The following PRKN variants were observed in gnomAD, a reference collection of about 807,000 sequenced individuals.
PRKN encodes E3 ubiquitin-protein ligase parkin.
A neutral mutation model predicts 59.5 loss-of-function variants in PRKN; 56 were observed. The ratio of observed to expected loss-of-function variants is 0.94; its 90% CI spans 0.76 to 1.18. The LOEUF (loss-of-function observed/expected upper bound fraction) is 1.18, where lower values mean the gene tolerates loss of function less well. Among genes scored for constraint, PRKN ranks in the 50% most tolerant of loss-of-function variants. PRKN has a pLI of 0.00. For synonymous variants in PRKN, 250 were observed against 222.1 expected (o/e 1.13, Z -1.12); for missense variants, 657 against 596.4 (o/e 1.10, Z -1.06).
intron 2 of PRKN, among the ~76,000 whole-genome samples, chr6:162,274,245 A>T (rs1476049545): frequency 6.6e-6 from 1 of 151,966 alleles, no homozygotes; most frequent in Non-Finnish European, 1.5e-5. Flanking sequence ...GCTGGAGTGC[A>T]GGCATGATCA....
rs184619644 is a variant in PRKN at position 162,011,481 on chromosome 6, T to G, written c.619-38064A>C. Among the ~76,000 whole-genome samples, 29 of 16,048 alleles carry G rather than the reference T, an allele frequency of 1.8e-3. 7 individuals carry two copies. The highest frequency in any genetic ancestry group is 6.8e-3 in the Admixed American group (4 of 592). 10.5% of individuals were successfully genotyped at this position (16,048 alleles called of 152,430 possible). Reference sequence around the variant, plus strand: ...TATATATATTATAATATATAATATATTATAATATATATAATATATATTTAT... The same window carrying G: ...TATATATATTATAATATATAATATAGTATAATATATATAATATATATTTAT... On this transcript the variant is annotated intron_variant, in intron 5 of 11. Coordinates refer to ENST00000366898, the MANE Select transcript of PRKN (RefSeq NM_004562.3).
intron 4 of PRKN, among the ~76,000 whole-genome samples, chr6:162,079,641 G>A (rs1778978710): frequency 1.3e-5 from 2 of 151,856 alleles, no homozygotes; most frequent in Non-Finnish European, 2.9e-5. Flanking sequence ...CACAGCTCAG[G>A]GAGTCTTTTC....
chr6:162,560,373 CT>C (rs1204176529), intron 1 of PRKN, among the ~76,000 whole-genome samples: 1 of 152,168 alleles, frequency 6.6e-6, no homozygotes, highest in African/African-American at 2.4e-5. Flanking sequence ...AAGTTTATAA[CT>C]GTCAACACAT....
chr6:161,402,050 C>G lies in PRKN; in HGVS notation c.1084-15173G>C, dbSNP rs1049694356. Among the ~76,000 whole-genome samples the G allele has an allele frequency of 3.3e-5, 5 of 152,142 alleles. No individual in the cohort carries two copies. Among genetic ancestry groups the G allele is most frequent in the Non-Finnish European group, 7.3e-5 (5 of 68,034 alleles). Reference sequence around the variant, plus strand: ...CGATATGCATCTCTGCCATGACTATCAGACAATGGTGAGAGCCAGAACCAC... The same window carrying G: ...CGATATGCATCTCTGCCATGACTATGAGACAATGGTGAGAGCCAGAACCAC... On this transcript the variant is annotated intron_variant, in intron 9 of 11. Transcript: ENST00000366898. This position sits in a 1 kb window ranked among gnomAD's most constrained non-coding sequence, Gnocchi z 4.5.
At chr6:162,712,574 C>A (rs1778576431) in intron 1 of PRKN, among the ~76,000 whole-genome samples, 1 of 152,190 alleles carries the variant, frequency 6.6e-6, no homozygotes, top group Non-Finnish European at 1.5e-5. Flanking sequence ...CCCTTAATCT[C>A]TGACCCATGT....
intron 10 of PRKN, among the ~76,000 whole-genome samples, chr6:161,375,072 G>A (rs866850607): frequency 3.6e-4 from 55 of 151,696 alleles, no homozygotes; most frequent in African/African-American, 1.3e-3. Flanking sequence ...CCCTACAGGT[G>A]AGTGAGCTCA....
intron 4 of PRKN, among the ~76,000 whole-genome samples, chr6:162,097,879 T>C (rs1158006141): frequency 6.6e-6 from 1 of 152,216 alleles, no homozygotes; most frequent in Non-Finnish European, 1.5e-5. Flanking sequence ...AATGGTACTC[T>C]AATGCTGGTG....
At chr6:161,810,112 G>C (rs996886996) in intron 6 of PRKN, among the ~76,000 whole-genome samples, 54 of 152,142 alleles carry the variant, frequency 3.5e-4, no homozygotes, top group Non-Finnish European at 4.4e-4. Context: ...CCTTCAAAGA[G>C]TTAATTAAGG....
rs114350933 is a variant in PRKN at position 162,719,502 on chromosome 6, T to C, written c.7+8160A>G. ...GCAAACCTAACTTGCCCCCATCCTC[T>C]AGCTGCCCAGAGTTCATCATTCCTC... On this transcript the variant is annotated intron_variant, in intron 1 of 11. Coordinates refer to ENST00000366898, the MANE Select transcript of PRKN (RefSeq NM_004562.3). 6.8e-3 allele frequency among the ~76,000 whole-genome samples: 1,033 copies of C among 151,696 alleles called. 12 individuals are homozygous for C. Among genetic ancestry groups the C allele is most frequent in the African/African-American group, 0.024 (990 of 41,314 alleles).
intron 9 of PRKN, among the ~76,000 whole-genome samples, chr6:161,438,693 T>C (rs375039625): frequency 3.3e-5 from 5 of 152,086 alleles, no homozygotes; most frequent in African/African-American, 1.2e-4. Context: ...AATCGAAAAA[T>C]AGATGATGGA....
At chr6:162,009,117 G>A (rs1381892914) in intron 5 of PRKN, among the ~76,000 whole-genome samples, 2 of 151,864 alleles carry the variant, frequency 1.3e-5, no homozygotes, top group African/African-American at 4.9e-5. Flanking sequence ...GCCGGGTGTG[G>A]TGGTGTGACC....
intron 5 of PRKN, among the ~76,000 whole-genome samples, chr6:161,999,837 A>C (rs1030714445): frequency 6.6e-5 from 10 of 152,172 alleles, no homozygotes; most frequent in African/African-American, 2.2e-4. Flanking sequence ...TCCACAGACC[A>C]AAATAATAAT....
intron 9 of PRKN, among the ~76,000 whole-genome samples, chr6:161,439,334 T>TG (rs986853295): frequency 2.0e-5 from 3 of 152,122 alleles, no homozygotes; most frequent in Non-Finnish European, 4.4e-5. Flanking sequence ...CCTCGCCTGA[T>TG]GGGGAGCACT....
At chr6:161,846,115 G>T (rs536674302) in intron 6 of PRKN, among the ~76,000 whole-genome samples, 1 of 152,240 alleles carries the variant, frequency 6.6e-6, no homozygotes, top group African/African-American at 2.4e-5. Context: ...TAACATGAGG[G>T]AGGACTTATC....
At chr6:161,714,950 A>G (rs1315421523) in intron 7 of PRKN, among the ~76,000 whole-genome samples, 1 of 152,158 alleles carries the variant, frequency 6.6e-6, no homozygotes, top group African/African-American at 2.4e-5. Context: ...CATCTTTCAA[A>G]TACGGCATCT....
intron 1 of PRKN, among the ~76,000 whole-genome samples, chr6:162,491,477 C>T (rs565917562): frequency 6.6e-6 from 1 of 152,188 alleles, no homozygotes; most frequent in Non-Finnish European, 1.5e-5. Flanking sequence ...CTTTAGTCCA[C>T]CTTCATGCTC....
intron 7 of PRKN, among the ~76,000 whole-genome samples, chr6:161,698,246 C>T (rs1786105473): frequency 6.6e-6 from 1 of 151,894 alleles, no homozygotes; most frequent in African/African-American, 2.4e-5. Context: ...CTACATGTAG[C>T]CAGAAGGATA....
At chr6:162,274,428 T>A (rs890830712) in intron 2 of PRKN, among the ~76,000 whole-genome samples, 11 of 152,122 alleles carry the variant, frequency 7.2e-5, no homozygotes, top group Admixed American at 2.6e-4. Context: ...GCTCAAGTGA[T>A]CTGCCTGCCT....
At chr6:161,772,968 GT>G (rs1339784040) in intron 7 of PRKN, among the ~76,000 whole-genome samples, 1 of 152,152 alleles carries the variant, frequency 6.6e-6, no homozygotes, top group Non-Finnish European at 1.5e-5. Flanking sequence ...TAGTTTGAAA[GT>G]TAAAAGCAGG....
Sources: gnomAD v4.1 joint callset for allele counts (sites outside exome capture counted in the v4.1 genomes callset) on GRCh38, gnomAD v4.1.1 for gene constraint, Gnocchi (gnomAD v3.1) non-coding constraint, MANE v1.5 for transcripts, NCBI Gene and HGNC (gene_info 2026-07-23, HGNC 2026-07-21) for gene names.